SUMF1: variants seen among roughly 807,000 people sequenced by gnomAD.
SUMF1 encodes sulfatase modifying factor 1.
In SUMF1, 48 loss-of-function variants were observed where a neutral mutation model predicts 47.6. The ratio of observed to expected loss-of-function variants is 1.01; its 90% confidence interval spans 0.80 to 1.28. SUMF1 has a LOEUF of 1.28. Among genes scored for constraint, SUMF1 ranks in the 50% most tolerant of loss-of-function variants. SUMF1 has a pLI of 0.00. For synonymous variants in SUMF1, 230 were observed against 192.1 expected (o/e 1.20, Z -1.63); for missense variants, 571 against 485.4 (o/e 1.18, Z -1.66).
chr3:4,259,793 G>A (rs936416240), intron 8 of SUMF1, among the ~76,000 whole-genome samples: 1 of 152,098 alleles, frequency 6.6e-6, no homozygotes, highest in African/African-American at 2.4e-5. Flanking sequence ...AGTATCATTT[G>A]CACCAAGGAT....
downstream of SUMF1, among the ~76,000 whole-genome samples, chr3:4,358,153 C>G (rs1444515761): frequency 6.6e-6 from 1 of 152,044 alleles, no homozygotes; most frequent in Non-Finnish European, 1.5e-5. Flanking sequence ...TTTCCCCCAG[C>G]CCCTGCCTTC....
intron 8 of SUMF1, among the ~76,000 whole-genome samples, chr3:4,153,014 C>T (rs887792047): frequency 1.3e-5 from 2 of 151,526 alleles, no homozygotes; most frequent in African/African-American, 4.9e-5. Context: ...AAGCCTGGTC[C>T]TAAACCAAGC....
At chr3:4,245,547 G>A (rs1450066814) in intron 8 of SUMF1, among the ~76,000 whole-genome samples, 1 of 152,062 alleles carries the variant, frequency 6.6e-6, no homozygotes, top group East Asian at 1.9e-4. Context: ...AATCCTGTTT[G>A]CCTGACTATC....
chr3:4,230,753 C>A (rs1051538847), intron 8 of SUMF1, among the ~76,000 whole-genome samples: 2 of 152,216 alleles, frequency 1.3e-5, no homozygotes, highest in East Asian at 3.9e-4. Flanking sequence ...TTTCTGGTGA[C>A]CAGCCCCCAT....
chr3:4,271,805 T>C (rs895930300), intron 8 of SUMF1, among the ~76,000 whole-genome samples: 1 of 152,018 alleles, frequency 6.6e-6, no homozygotes, highest in African/African-American at 2.4e-5. Context: ...GTCTATGCCA[T>C]CAATTTAAAC....
intron 1 of SUMF1, 128 bp downstream of exon 1, chr3:4,466,848 G>T: frequency 2.9e-6 from 4 of 1,375,666 alleles, no homozygotes; most frequent in Non-Finnish European, 3.9e-6. Context: ...TACGGGAACA[G>T]CAGGTGCTCG....
At chr3:4,155,031 T>A (rs34630700) in intron 8 of SUMF1, among the ~76,000 whole-genome samples, 50,085 of 151,162 alleles carry the variant, frequency 0.33, 9,291 homozygotes, top group Non-Finnish European at 0.41. Flanking sequence ...AAAAGGCAAT[T>A]TGAAAGGAAC....
chr3:4,381,561 C>G (rs1700505893), intron 7 of SUMF1, among the ~76,000 whole-genome samples: 1 of 152,210 alleles, frequency 6.6e-6, no homozygotes, highest in African/African-American at 2.4e-5. Context: ...GCACCCACTA[C>G]AAAGAATGAG....
intron 8 of SUMF1, among the ~76,000 whole-genome samples, chr3:4,251,278 G>T (rs1261166210): frequency 6.6e-6 from 1 of 152,168 alleles, no homozygotes; most frequent in Non-Finnish European, 1.5e-5. Context: ...ATTAGAAGTG[G>T]AGCCTGAATT....
At chr3:4,383,243 G>GGA (rs1700566941) in intron 7 of SUMF1, among the ~76,000 whole-genome samples, 1 of 152,134 alleles carries the variant, frequency 6.6e-6, no homozygotes, top group African/African-American at 2.4e-5. Flanking sequence ...GCCAGTCGTG[G>GGA]TGGTACACAC....
intron 8 of SUMF1, among the ~76,000 whole-genome samples, chr3:4,108,724 TATC>T (rs1465654435): frequency 1.3e-5 from 2 of 152,152 alleles, no homozygotes; most frequent in Non-Finnish European, 1.5e-5. Flanking sequence ...AAGTCTGTTT[TATC>T]AGAGACTAGG....
chr3:4,317,045 C>G, intron 8 of SUMF1: 1 of 1,549,336 alleles, frequency 6.5e-7, no homozygotes, highest in East Asian at 2.4e-5. Flanking sequence ...ATTCACCTGA[C>G]CTCTTGCCAA....
In SUMF1 at chr3:4,362,017, AT is replaced by A. The variant is rs1467910317; in HGVS notation, c.*126del. ...GTCTCACAAGGCGGTTCCTTTGGCC[AT>A]TGGGCAGGTATGTAACCCACCTCAG... On this transcript the variant is annotated 3_prime_UTR_variant, in exon 9 of 9. Transcript: ENST00000272902. The A allele has an allele frequency of 6.8e-6, 6 of 879,940 alleles. No homozygotes were observed. The Admixed American group carries it at 8.2e-5, about 12-fold the overall frequency. 54.5% of individuals were successfully genotyped at this position (879,940 alleles called of 1,614,324 possible). A position where few individuals can be genotyped will look rare whatever the true frequency, so the allele number is the denominator to read the frequency against.
At chr3:4,298,985 T>G (rs1697912327) in intron 8 of SUMF1, among the ~76,000 whole-genome samples, 1 of 152,352 alleles carries the variant, frequency 6.6e-6, no homozygotes, top group Middle Eastern at 3.4e-3. Context: ...TGATCTCCCC[T>G]GCTAAAAGTA....
chr3:4,190,782 C>T (rs185713613), intron 8 of SUMF1, among the ~76,000 whole-genome samples: 8 of 152,220 alleles, frequency 5.3e-5, no homozygotes, highest in East Asian at 1.9e-4. Context: ...AAAAATAAGC[C>T]ACCATGCCTG....
rs190303916 is a variant in SUMF1, at chr3:4,215,778, T to C, written c.1015-147033A>G. Among the ~76,000 whole-genome samples, 66 of 152,138 alleles carry C rather than the reference T, an allele frequency of 4.3e-4. 1 individual carries two copies. The highest frequency in any genetic ancestry group is 9.0e-4 in the Non-Finnish European group (61 of 67,970). On this transcript the variant is annotated intron_variant and NMD_transcript_variant, in intron 8 of 12. Coordinates refer to the SUMF1 transcript ENST00000448413. ...GACAGAGAGCCAAATCATGAGTCAA[T>C]TCCCGTTCACAATTGCTACTAAGAG...
chr3:4,353,481 T>C (rs1253017178), intron 8 of SUMF1, among the ~76,000 whole-genome samples: 3 of 152,154 alleles, frequency 2.0e-5, no homozygotes, highest in Non-Finnish European at 2.9e-5. Context: ...CTCGATCTCC[T>C]GACCTCGTGA....
Position 4,464,356 on chromosome 3 carries a change from C to T in SUMF1, c.270+2620G>A, listed in dbSNP as rs1331143363. Among the ~76,000 whole-genome samples the T allele has an allele frequency of 3.9e-5, 6 of 152,122 alleles. No individual in the cohort carries two copies. In the East Asian group the frequency reaches 9.7e-4, roughly 24 times the overall value. ...CTCTCCAGGTACTCTGGACATATCC[C>T]TCCTATAGTATTCTCACTATAGAAA... On this transcript the variant is annotated intron_variant, in intron 1 of 8. Transcript: ENST00000272902.
intron 1 of SUMF1, among the ~76,000 whole-genome samples, chr3:4,465,792 A>G (rs1285553667): frequency 6.6e-6 from 1 of 152,238 alleles, no homozygotes; most frequent in Non-Finnish European, 1.5e-5. Context: ...ACATCAGCAG[A>G]AAAACATCTT....
Sources: gnomAD v4.1 joint callset for allele counts (sites outside exome capture counted in the v4.1 genomes callset) on GRCh38, gnomAD v4.1.1 for gene constraint, MANE v1.5 for transcripts, NCBI Gene and HGNC (gene_info 2026-07-23, HGNC 2026-07-21) for gene names.